The following SSBP3 variants were observed in gnomAD, a reference collection of about 807,000 sequenced individuals.
SSBP3 encodes the protein single-stranded DNA-binding protein 3.
In SSBP3, 5 loss-of-function variants were observed where a neutral mutation model predicts 69.6. The ratio of observed to expected loss-of-function variants is 0.07; its 90% CI spans 0.04 to 0.15. The LOEUF (loss-of-function observed/expected upper bound fraction) is 0.15, where lower values mean the gene tolerates loss of function less well. SSBP3 is among the 10% of genes least tolerant of loss of function. The pLI is 1.00. For synonymous variants in SSBP3, 196 were observed against 193.4 expected, an observed-to-expected ratio of 1.01 and a Z score of -0.11; for missense variants, 312 against 534.0, an observed-to-expected ratio of 0.58 and a Z score of 4.10.
Position 54,389,006 on chromosome 1 carries a change from G to T in SSBP3, c.276+12855C>A, listed in dbSNP as rs541673901. On this transcript the variant is annotated intron_variant, in intron 4 of 17. Coordinates refer to ENST00000610401, the Ensembl canonical transcript of SSBP3. ...CAGGTTTCTGGAAAACTTCACTGGG[G>T]GCTCTTGAGGCATTGCTAATATTGT... 1.9e-4 allele frequency among the ~76,000 whole-genome samples: 29 copies of T among 152,318 alleles called. No homozygotes were observed. The South Asian group carries it at 5.6e-3, about 29-fold the overall frequency.
chr1:54,226,899 T>G, exon 18 of SSBP3: 16 of 518,794 alleles, frequency 3.1e-5, no homozygotes, highest in East Asian at 3.7e-5. Flanking sequence ...TTGAAATACA[T>G]TTTTGAGAGT....
rs1453670046 is a variant in SSBP3, at chr1:54,396,254, G to A, written c.276+5607C>T. On this transcript the variant is annotated intron_variant, in intron 4 of 17. Coordinates refer to ENST00000610401, the Ensembl canonical transcript of SSBP3. Reference sequence around the variant, plus strand: ...TACCCCAGCGAATCAAAAACAAACAGTCATGATTGTCTATTTGCTCTAAGA... The same window carrying A: ...TACCCCAGCGAATCAAAAACAAACAATCATGATTGTCTATTTGCTCTAAGA... Among the ~76,000 whole-genome samples, 10 of 140,934 alleles carry A rather than the reference G, an allele frequency of 7.1e-5. No homozygotes were observed. In the Admixed American group the frequency reaches 7.2e-4, roughly 10 times the overall value. 92.5% of individuals were successfully genotyped at this position (140,934 alleles called of 152,430 possible). A position where few individuals can be genotyped will look rare whatever the true frequency, so the allele number is the denominator to read the frequency against.
At chr1:54,276,045 A>T (rs1055093266) in intron 5 of SSBP3, among the ~76,000 whole-genome samples, 1 of 152,146 alleles carries the variant, frequency 6.6e-6, no homozygotes, top group Non-Finnish European at 1.5e-5. Context: ...TAGGGACCTC[A>T]ACATCTTTCT....
chr1:54,250,999 G>A (rs1217781938), intron 9 of SSBP3, among the ~76,000 whole-genome samples: 2 of 152,218 alleles, frequency 1.3e-5, no homozygotes, highest in African/African-American at 4.8e-5. Context: ...TGCCCTTTGT[G>A]GCAGCGGAGC....
At chr1:54,341,137 T>C (rs534534559) in intron 4 of SSBP3, among the ~76,000 whole-genome samples, 2 of 152,344 alleles carry the variant, frequency 1.3e-5, no homozygotes, top group Admixed American at 1.3e-4. Context: ...CTTTCCGCAA[T>C]TAAACTGAGG....
intron 10 of SSBP3, 123 bp downstream of exon 10, chr1:54,243,112 T>C (rs1208334554): frequency 2.3e-6 from 2 of 854,646 alleles, no homozygotes; most frequent in South Asian, 1.4e-5. Flanking sequence ...ACATTACCGA[T>C]GAGGAGACTG....
At chr1:54,329,709 C>G (rs1327508509) in intron 4 of SSBP3, among the ~76,000 whole-genome samples, 4 of 152,342 alleles carry the variant, frequency 2.6e-5, no homozygotes, top group Middle Eastern at 3.4e-3. Context: ...TACACAATCA[C>G]AGGCAGGGAG....
At chr1:54,313,556 T>C (rs1002015035) in intron 4 of SSBP3, among the ~76,000 whole-genome samples, 3 of 150,592 alleles carry the variant, frequency 2.0e-5, no homozygotes, top group African/African-American at 4.9e-5. Flanking sequence ...CGAGTAGCTA[T>C]GCCTATGCTT....
At chr1:54,229,271 G>A (rs969062240) in intron 14 of SSBP3, among the ~76,000 whole-genome samples, 6 of 152,248 alleles carry the variant, frequency 3.9e-5, no homozygotes, top group African/African-American at 1.4e-4. Context: ...GCAGTGAGAG[G>A]AAACGCTTTG....
At chr1:54,374,654 T>C (rs1044885657) in intron 4 of SSBP3, among the ~76,000 whole-genome samples, 2 of 151,956 alleles carry the variant, frequency 1.3e-5, no homozygotes, top group African/African-American at 2.4e-5. Context: ...GCTGTCCCCA[T>C]CCCTTTCTCC....
At chr1:54,390,757 G>C (rs1453246055) in intron 4 of SSBP3, among the ~76,000 whole-genome samples, 2 of 152,236 alleles carry the variant, frequency 1.3e-5, no homozygotes, top group African/African-American at 4.8e-5. Flanking sequence ...ATCGTGGAGA[G>C]CCCTGCCCGG....
intron 14 of SSBP3, among the ~76,000 whole-genome samples, chr1:54,234,562 C>A (rs1337074376): frequency 6.6e-6 from 1 of 151,998 alleles, no homozygotes; most frequent in Admixed American, 6.6e-5. Flanking sequence ...GCCCTCTAGA[C>A]TGGGTGACAG....
intron 5 of SSBP3, among the ~76,000 whole-genome samples, chr1:54,275,662 C>G (rs1645271406): frequency 6.6e-6 from 1 of 152,246 alleles, no homozygotes; most frequent in African/African-American, 2.4e-5. Context: ...GTTACCACCA[C>G]TGTCAAACAG....
chr1:54,278,395 T>C (rs77011355), intron 5 of SSBP3, among the ~76,000 whole-genome samples: 83 of 152,164 alleles, frequency 5.5e-4, no homozygotes, highest in African/African-American at 1.9e-3. Context: ...AGCCCTTAAC[T>C]TGCTACCAGA....
At chr1:54,278,244 T>C (rs934734848) in intron 5 of SSBP3, among the ~76,000 whole-genome samples, 5 of 152,104 alleles carry the variant, frequency 3.3e-5, no homozygotes, top group African/African-American at 9.7e-5. Context: ...TGTTCTGTAA[T>C]GTGAGCAATA....
chr1:54,409,715 GTC>G (rs1358834887), upstream of SSBP3, among the ~76,000 whole-genome samples: 2 of 152,102 alleles, frequency 1.3e-5, no homozygotes, highest in African/African-American at 2.4e-5. Context: ...TATTCTCTCT[GTC>G]TCTCTGTCCC....
intron 5 of SSBP3, among the ~76,000 whole-genome samples, chr1:54,267,928 TG>T (rs1277093776): frequency 6.6e-6 from 1 of 152,188 alleles, no homozygotes; most frequent in Non-Finnish European, 1.5e-5. Context: ...GACAGGGTCT[TG>T]CTATGTTGTC....
chr1:54,335,156 CTT>C lies in SSBP3; in HGVS notation c.277-53631_277-53630del, dbSNP rs1233667604. On this transcript the variant is annotated intron_variant, in intron 4 of 17. Transcript: ENST00000610401. ...CAACACCCGGACACAAGAATCAGCTCTTGTTACCAGAATCCCATCAAGAAGGG... is the reference window on the plus strand; with the variant it reads ...CAACACCCGGACACAAGAATCAGCTCGTTACCAGAATCCCATCAAGAAGGG... Among the ~76,000 whole-genome samples the C allele has an allele frequency of 4.6e-5, 7 of 152,336 alleles. No homozygotes were observed. In the East Asian group the frequency reaches 9.6e-4, roughly 21 times the overall value.
chr1:54,257,088 G>C, intron 7 of SSBP3, 39 bp downstream of exon 7: 1 of 1,584,238 alleles, frequency 6.3e-7, no homozygotes, highest in Non-Finnish European at 8.6e-7. Context: ...GCCAAGGATG[G>C]CTGAGGGAGG....
Sources: gnomAD v4.1 joint callset for allele counts (sites outside exome capture counted in the v4.1 genomes callset) on GRCh38, gnomAD v4.1.1 for gene constraint, MANE v1.5 for transcripts, NCBI Gene and HGNC (gene_info 2026-07-23, HGNC 2026-07-21) for gene names.